Variants in SMIM36 observed in about 807,000 individuals in gnomAD.
SMIM36 encodes the protein small integral membrane protein 36.
chr17:55,504,765 C>A (rs1369219286), intron 1 of SMIM36, among the ~76,000 whole-genome samples: 1 of 95,504 alleles, frequency 1.0e-5, no homozygotes, highest in East Asian at 3.1e-4. Flanking sequence ...AAAAACCCTT[C>A]AAAAAATCAG....
At chr17:55,512,650 T>C (rs1190097996), upstream of SMIM36, among the ~76,000 whole-genome samples, 3 of 152,364 alleles carry the variant, frequency 2.0e-5, no homozygotes, top group East Asian at 5.8e-4. Context: ...CGTTCCATTC[T>C]CAGAAAGAGC....
At chr17:55,452,304 A>G (rs1908935247) in intron 4 of SMIM36, among the ~76,000 whole-genome samples, 1 of 152,186 alleles carries the variant, frequency 6.6e-6, no homozygotes, top group Non-Finnish European at 1.5e-5. Flanking sequence ...ATCCAGTTAA[A>G]TCACCAGTTC....
At chr17:55,472,610 C>T (rs1402797821) in intron 3 of SMIM36, among the ~76,000 whole-genome samples, 4 of 152,180 alleles carry the variant, frequency 2.6e-5, no homozygotes, top group South Asian at 2.1e-4. Context: ...TGGTGGCTCA[C>T]GCCTGTCATC....
At chr17:55,522,159 A>G in the SMIM36 span, among the ~76,000 whole-genome samples, 3 of 152,152 alleles carry the variant, frequency 2.0e-5, no homozygotes, top group East Asian at 5.8e-4. Context: ...TACTCTAGCC[A>G]CTTCGGTGTT....
At chr17:55,475,115 G>T (rs1368594247) in intron 3 of SMIM36, among the ~76,000 whole-genome samples, 1 of 152,070 alleles carries the variant, frequency 6.6e-6, no homozygotes, top group African/African-American at 2.4e-5. Context: ...CCACTACTTG[G>T]ACTGCACCCC....
intron 3 of SMIM36, among the ~76,000 whole-genome samples, chr17:55,474,285 G>C (rs115793022): frequency 0.013 from 1,954 of 152,322 alleles, 36 homozygotes; most frequent in African/African-American, 0.045. Context: ...TGTCGAGGCA[G>C]CCCTTTAGGT....
At chr17:55,451,843 T>A (rs1020878917) in intron 4 of SMIM36, among the ~76,000 whole-genome samples, 1 of 152,142 alleles carries the variant, frequency 6.6e-6, no homozygotes, top group Non-Finnish European at 1.5e-5. Context: ...ATGCCTGTAA[T>A]CCTAGCATTT....
chr17:55,486,730 A>T (rs1163866988), intron 1 of SMIM36, among the ~76,000 whole-genome samples: 1 of 152,176 alleles, frequency 6.6e-6, no homozygotes, highest in Non-Finnish European at 1.5e-5. Flanking sequence ...CCATTCTAAG[A>T]ATTTCATCTC....
At chr17:55,531,639 G>GA in the SMIM36 span, among the ~76,000 whole-genome samples, 1 of 152,170 alleles carries the variant, frequency 6.6e-6, no homozygotes, top group African/African-American at 2.4e-5. Flanking sequence ...ATGTCAAAGG[G>GA]AAAAAGTCTT....
exon 1 of SMIM36, chr17:55,511,225 C>A: frequency 2.5e-6 from 1 of 398,658 alleles, no homozygotes; most frequent in Non-Finnish European, 4.4e-6. Flanking sequence ...CTTGCCTCGG[C>A]AGTCGTATAG....
chr17:55,497,403 T>TA (rs1909828549), intron 1 of SMIM36, among the ~76,000 whole-genome samples: 1 of 152,144 alleles, frequency 6.6e-6, no homozygotes, highest in African/African-American at 2.4e-5. Context: ...TAGCTGAAAT[T>TA]ACAGGCAAGC....
intron 3 of SMIM36, among the ~76,000 whole-genome samples, chr17:55,475,060 T>C (rs1294005991): frequency 6.6e-6 from 1 of 152,082 alleles, no homozygotes; most frequent in Non-Finnish European, 1.5e-5. Flanking sequence ...CCCCCCACAG[T>C]GTTTAAGAGG....
At chr17:55,463,147 A>G (rs1357661420) in intron 4 of SMIM36, among the ~76,000 whole-genome samples, 1 of 152,178 alleles carries the variant, frequency 6.6e-6, no homozygotes, top group Non-Finnish European at 1.5e-5. Context: ...TCCAGTGGAT[A>G]CCTTAAACTT....
intron 1 of SMIM36, among the ~76,000 whole-genome samples, chr17:55,497,360 G>C (rs1909828004): frequency 6.6e-6 from 1 of 152,074 alleles, no homozygotes; most frequent in African/African-American, 2.4e-5. Context: ...TGCCTCCCGG[G>C]TTCAAGCGAT....
chr17:55,464,777 TA>T (rs368612632), intron 4 of SMIM36, among the ~76,000 whole-genome samples: 1 of 152,246 alleles, frequency 6.6e-6, no homozygotes, highest in Non-Finnish European at 1.5e-5. Flanking sequence ...ATGCTATTGA[TA>T]AAGATGGGAA....
At chr17:55,529,476 T>G in the SMIM36 span, among the ~76,000 whole-genome samples, 3 of 151,770 alleles carry the variant, frequency 2.0e-5, no homozygotes, top group Admixed American at 2.0e-4. Flanking sequence ...TACAAAAGTA[T>G]CCAGATGTGA....
chr17:55,480,768 G>A lies in SMIM36; in HGVS notation c.*175-1188C>T, dbSNP rs138663054. On this transcript the variant is annotated intron_variant, in intron 1 of 4. Transcript: ENST00000636752. ...AGCTTGGCCTAATCCTGTAGCTGCT[G>A]TCTCTCAGAGACAATGGTTGCTCTT... Among the ~76,000 whole-genome samples, 509 of 152,246 alleles carry A rather than the reference G, an allele frequency of 3.3e-3. 4 individuals are homozygous for A. Among genetic ancestry groups the A allele is most frequent in the Middle Eastern group, 0.017 (5 of 294 alleles).
chr17:55,524,946 G>A, the SMIM36 span, among the ~76,000 whole-genome samples: 2 of 152,140 alleles, frequency 1.3e-5, no homozygotes, highest in African/African-American at 4.8e-5. Context: ...TGAGCCATCC[G>A]ATCCTCCCAG....
chr17:55,511,437 T>C, exon 1 of SMIM36: 1 of 396,706 alleles, frequency 2.5e-6, no homozygotes, highest in East Asian at 3.6e-5. Context: ...CTACATTGGC[T>C]CTGGAGTAAA....
Sources: allele counts gnomAD v4.1 joint callset (sites outside exome capture counted in the v4.1 genomes callset), GRCh38; gene constraint gnomAD v4.1.1; transcripts MANE v1.5; gene names NCBI Gene and HGNC (gene_info 2026-07-23, HGNC 2026-07-21).